Variants in AOX1 observed in about 807,000 individuals in gnomAD.
AOX1 encodes the protein aldehyde oxidase.
AOX1 carries 153 observed loss-of-function variants against 169.5 expected under a neutral mutation model. The observed-to-expected ratio is 0.90, with a 90% CI of 0.79 to 1.03. AOX1 has a LOEUF of 1.03. AOX1 is among the 50% of genes least tolerant of loss of function. The pLI is 0.00. For synonymous variants in AOX1, 562 were observed against 581.9 expected (o/e 0.97, Z 0.49); for missense variants, 1,656 against 1,663.9 (o/e 1.00, Z 0.08).
At chr2:200,631,599 G>C (rs932198941) in intron 20 of AOX1, among the ~76,000 whole-genome samples, 1 of 152,146 alleles carries the variant, frequency 6.6e-6, no homozygotes, top group African/African-American at 2.4e-5. Flanking sequence ...GATCAAATTG[G>C]TTTCCAACCT....
At chr2:200,656,675 T>TC (rs2035691712) in intron 26 of AOX1, among the ~76,000 whole-genome samples, 167 bp from the exon 27 acceptor site, 1 of 151,994 alleles carries the variant, frequency 6.6e-6, no homozygotes, top group South Asian at 2.1e-4. Flanking sequence ...TAAAATAGAG[T>TC]CCCCGCCCTG....
Position 200,604,065 on chromosome 2 carries a change from A to C in AOX1, c.637A>C (p.Thr213Pro). The change falls in exon 8 of 35, where the codon ACC becomes CCC. Residue 213 changes from threonine to proline, a missense_variant. By Grantham distance (38) the Thr-to-Pro change is conservative. Transcript: ENST00000374700. The stretch of plus-strand genomic sequence containing the variant: ...AGAGGAGTTTCTGCCATTGGATCCA[A>C]CCCAGGAACTGATATTTCCTCCTGA... ...AEEEFLPLDP[T>P]QELIFPPELM... 1 of 1,613,376 alleles carries C rather than the reference A, an allele frequency of 6.2e-7. No individual in the cohort carries two copies. Among genetic ancestry groups the C allele is most frequent in the East Asian group, 2.2e-5 (1 of 44,878 alleles).
chr2:200,664,276 A>T (rs1312145804), intron 31 of AOX1, among the ~76,000 whole-genome samples: 1 of 152,116 alleles, frequency 6.6e-6, no homozygotes, highest in Non-Finnish European at 1.5e-5. Flanking sequence ...AGGCTGCGCC[A>T]CCACACCCAG....
At chr2:200,609,207 T>TGA in intron 11 of AOX1, 72 bp downstream of exon 11, 1 of 1,598,644 alleles carries the variant, frequency 6.3e-7, no homozygotes, top group Non-Finnish European at 8.5e-7. Context: ...CATGACATTT[T>TGA]CATTCTTTTG....
chr2:200,674,116 G>A (rs996426520), downstream of AOX1, among the ~76,000 whole-genome samples: 4 of 152,234 alleles, frequency 2.6e-5, no homozygotes, highest in African/African-American at 4.8e-5. Context: ...AGTGGCCCAC[G>A]CCGGTGCTTC....
intron 26 of AOX1, among the ~76,000 whole-genome samples, chr2:200,655,923 A>G (rs1195917563): frequency 6.6e-6 from 1 of 152,208 alleles, no homozygotes; most frequent in Non-Finnish European, 1.5e-5. Context: ...TAAGTGAGCA[A>G]CTAAGGCTTA....
intron 29 of AOX1, among the ~76,000 whole-genome samples, chr2:200,660,357 T>C (rs2035796520): frequency 6.6e-6 from 1 of 152,258 alleles, no homozygotes; most frequent in African/African-American, 2.4e-5. Flanking sequence ...CTATGTAGCC[T>C]AGGGGTTGTC....
chr2:200,632,251 C>A (rs989353430), intron 20 of AOX1, among the ~76,000 whole-genome samples: 2 of 151,230 alleles, frequency 1.3e-5, no homozygotes, highest in African/African-American at 2.4e-5. Context: ...TTTAGTATAC[C>A]TCCTTGTACA....
At chr2:200,652,441 G>A (rs111789352) in intron 26 of AOX1, among the ~76,000 whole-genome samples, 1 of 152,174 alleles carries the variant, frequency 6.6e-6, no homozygotes, top group Admixed American at 6.5e-5. Flanking sequence ...AAGCAAAAAC[G>A]AGGTTATTAC....
rs750341309 is a variant in AOX1 at position 200,650,996 on chromosome 2, A to G, written c.2870A>G (p.Lys957Arg). 3.3e-5 allele frequency: 53 copies of G among 1,614,108 alleles called. No individual in the cohort carries two copies. The highest frequency in any genetic ancestry group is 4.3e-5 in the Non-Finnish European group (51 of 1,180,044). The change falls in exon 26 of 35, where the codon AAG (lysine) becomes AGG (arginine). Residue 957 changes from lysine (K) to arginine (R), a missense_variant. Physicochemically the swap from Lys to Arg is conservative, Grantham distance 26. Coordinates refer to ENST00000374700, the MANE Select transcript of AOX1 (RefSeq NM_001159.4). The part of the protein sequence containing the change: ...PEKVRIINMY[K>R]EIDQTPYKQE... The stretch of plus-strand genomic sequence containing the variant: ...TAGGTGCGAATCATAAACATGTACA[A>G]GGAAATTGATCAAACACCCTACAAA...
At chr2:200,677,200 AG>A, downstream of AOX1, 1 of 225,480 alleles carries the variant, frequency 4.4e-6, no homozygotes, top group Non-Finnish European at 9.0e-6. Flanking sequence ...TAGGGTTCTT[AG>A]GGAAGGGGAG....
intron 20 of AOX1, among the ~76,000 whole-genome samples, chr2:200,629,584 GT>G (rs2035072992): frequency 6.6e-6 from 1 of 152,140 alleles, no homozygotes; most frequent in African/African-American, 2.4e-5. Flanking sequence ...CCAGGAACTG[GT>G]CTTAACAAGT....
In AOX1 at chr2:200,644,564, T is replaced by C. The variant is rs191553226; in HGVS notation, c.2847+1763T>C. Among the ~76,000 whole-genome samples, 297 of 152,322 alleles carry C rather than the reference T, an allele frequency of 1.9e-3. 3 individuals carry two copies. The highest frequency in any genetic ancestry group is 4.1e-4 in the Non-Finnish European group (28 of 68,024). ...TTTTGGTATCATGTGAACTTTAGAA[T>C]TGTTTTTTCTAATTCTGTGAAGAAC... is the stretch of plus-strand genomic sequence containing the variant. On this transcript the variant is annotated intron_variant, in intron 25 of 34. Coordinates refer to ENST00000374700, the MANE Select transcript of AOX1 (RefSeq NM_001159.4).
downstream of AOX1, chr2:200,671,512 A>G (rs1443314863): frequency 2.6e-5 from 4 of 152,250 alleles, no homozygotes; most frequent in African/African-American, 7.2e-5. Flanking sequence ...GAGTAGATGT[A>G]TCTCCAAAGA....
At chr2:200,645,449 T>A (rs1449784345) in intron 25 of AOX1, among the ~76,000 whole-genome samples, 1 of 152,216 alleles carries the variant, frequency 6.6e-6, no homozygotes, top group African/African-American at 2.4e-5. Context: ...ATGTTTTTCA[T>A]ATGTTGTTGG....
At chr2:200,591,323 G>A (rs1325581586) in intron 1 of AOX1, among the ~76,000 whole-genome samples, 1 of 152,216 alleles carries the variant, frequency 6.6e-6, no homozygotes, top group African/African-American at 2.4e-5. Flanking sequence ...TGGGAACAAA[G>A]AGGAGGATGG....
intron 23 of AOX1, among the ~76,000 whole-genome samples, chr2:200,639,853 G>A (rs897995246): frequency 4.0e-5 from 6 of 151,890 alleles, no homozygotes; most frequent in Non-Finnish European, 7.4e-5. Flanking sequence ...TGGGCAACAC[G>A]GTGAAACCCT....
At chr2:200,677,265 GAGAC>G (rs2036112814), downstream of AOX1, among the ~76,000 whole-genome samples, 2 of 152,092 alleles carry the variant, frequency 1.3e-5, no homozygotes, top group South Asian at 4.1e-4. Context: ...GGTGGAGAAA[GAGAC>G]AGACAGAATC....
intron 25 of AOX1, among the ~76,000 whole-genome samples, chr2:200,644,757 G>C (rs769289410): frequency 2.6e-5 from 4 of 151,986 alleles, no homozygotes; most frequent in Non-Finnish European, 4.4e-5. Flanking sequence ...TCAACTCCTT[G>C]ATTAGGTATA....
Sources: gnomAD v4.1 joint callset for allele counts (sites outside exome capture counted in the v4.1 genomes callset) on GRCh38, gnomAD v4.1.1 for gene constraint, MANE v1.5 for transcripts, NCBI Gene and HGNC (gene_info 2026-07-23, HGNC 2026-07-21) for gene names.